GRM5: variants seen among roughly 807,000 people sequenced by gnomAD.
The protein encoded by GRM5 is metabotropic glutamate receptor 5.
A neutral mutation model predicts 83.1 loss-of-function variants in GRM5; 19 were observed. That is an observed-to-expected ratio of 0.23 (90% CI 0.16 to 0.34). GRM5 has a LOEUF of 0.34. Ranked by LOEUF, GRM5 falls within the 10% of genes least tolerant of loss-of-function variation. The pLI is 1.00. For synonymous variants in GRM5, 675 were observed against 633.6 expected, an observed-to-expected ratio of 1.07 and a Z score of -0.98; for missense variants, 1,160 against 1,588.3, an observed-to-expected ratio of 0.73 and a Z score of 4.58.
chr11:88,611,217 A>G (rs185743399), intron 4 of GRM5, among the ~76,000 whole-genome samples: 33 of 152,240 alleles, frequency 2.2e-4, no homozygotes, highest in African/African-American at 5.5e-4. Flanking sequence ...TATCAGGATG[A>G]TGCTGGCTTT....
Position 88,681,565 on chromosome 11 carries a change from C to CTTTTTTTTTTTTTTTT in GRM5, c.912-28178_912-28163dup, listed in dbSNP as rs796854617. Among the ~76,000 whole-genome samples the CTTTTTTTTTTTTTTTT allele has an allele frequency of 7.0e-3, 179 of 25,410 alleles. 49 individuals carry two copies. Among genetic ancestry groups the CTTTTTTTTTTTTTTTT allele is most frequent in the African/African-American group, 0.017 (150 of 8,948 alleles). The allele number at this position is 25,410 out of a possible 152,430, so 16.7% of individuals were successfully genotyped here. A position where few individuals can be genotyped will look rare whatever the true frequency, so the allele number is the denominator to read the frequency against. ...ATAAACTCAAGAGGTTGAGTTCTTC[C>CTTTTTTTTTTTTTTTT]TTTTTTTTTTTTTTTTTTTTTTTTG... On this transcript the variant is annotated intron_variant, in intron 3 of 9. Coordinates refer to ENST00000305447, the MANE Select transcript of GRM5 (RefSeq NM_001143831.3).
At chr11:89,033,762 T>TA (rs916559203) in intron 2 of GRM5, among the ~76,000 whole-genome samples, 12 of 151,596 alleles carry the variant, frequency 7.9e-5, no homozygotes, top group Non-Finnish European at 1.5e-5. Context: ...CAGTCTCCTT[T>TA]AAAAAAAGGT....
chr11:88,843,524 G>A (rs537915836), intron 3 of GRM5, among the ~76,000 whole-genome samples: 85 of 152,126 alleles, frequency 5.6e-4, no homozygotes, highest in Admixed American at 9.2e-4. Context: ...CTGTACTTCC[G>A]TCTCTCTCCC....
chr11:88,529,720 G>T (rs1310435201), intron 8 of GRM5, among the ~76,000 whole-genome samples: 1 of 151,864 alleles, frequency 6.6e-6, no homozygotes, highest in Admixed American at 6.6e-5. Context: ...GAGATGATAA[G>T]CTAATGCTTA....
chr11:88,898,241 A>G (rs1188229402), intron 2 of GRM5, among the ~76,000 whole-genome samples: 1 of 151,882 alleles, frequency 6.6e-6, no homozygotes, highest in African/African-American at 2.4e-5. Context: ...GTTATATTGA[A>G]TAAGGGCCCA....
intron 4 of GRM5, among the ~76,000 whole-genome samples, chr11:88,619,425 C>T (rs567237328): frequency 1.4e-4 from 21 of 152,304 alleles, no homozygotes; most frequent in Admixed American, 1.4e-3. Context: ...AACACTGGCT[C>T]CATATTCTCA....
intron 8 of GRM5, among the ~76,000 whole-genome samples, chr11:88,530,184 A>G (rs1941975466): frequency 6.6e-6 from 1 of 152,072 alleles, no homozygotes. Flanking sequence ...TGTTAGTGTA[A>G]GCATTCCCTT....
intron 4 of GRM5, among the ~76,000 whole-genome samples, chr11:88,643,007 A>G (rs769595894): frequency 3.9e-5 from 6 of 151,968 alleles, no homozygotes; most frequent in Non-Finnish European, 5.9e-5. Context: ...CTTTATAGCA[A>G]TGTCCCACTC....
chr11:88,660,103 A>T (rs1939866148), intron 3 of GRM5, among the ~76,000 whole-genome samples: 1 of 152,202 alleles, frequency 6.6e-6, no homozygotes, highest in South Asian at 2.1e-4. Context: ...TCAACAGTCC[A>T]TTAGGCATGA....
At chr11:88,762,143 C>T (rs1298418104) in intron 3 of GRM5, among the ~76,000 whole-genome samples, 2 of 152,012 alleles carry the variant, frequency 1.3e-5, no homozygotes, top group African/African-American at 4.8e-5. Context: ...GATTTTATGA[C>T]AAAGACACCA....
intron 3 of GRM5, among the ~76,000 whole-genome samples, chr11:88,770,527 A>AC (rs1942712993): frequency 6.6e-6 from 1 of 152,148 alleles, no homozygotes; most frequent in Non-Finnish European, 1.5e-5. Flanking sequence ...ATTCATAGAA[A>AC]ATCAATTGAA....
intron 3 of GRM5, among the ~76,000 whole-genome samples, chr11:88,752,005 T>C (rs771844013): frequency 6.6e-5 from 10 of 152,266 alleles, no homozygotes; most frequent in South Asian, 2.1e-4. Context: ...ATACTGAATG[T>C]GCAAAAGCTG....
intron 2 of GRM5, among the ~76,000 whole-genome samples, chr11:88,961,592 T>C (rs1450125373): frequency 6.6e-6 from 1 of 152,222 alleles, no homozygotes; most frequent in African/African-American, 2.4e-5. Context: ...TAATGAGAAG[T>C]ATGGGCAAGA....
chr11:88,553,269 G>C (rs10128616), intron 8 of GRM5, among the ~76,000 whole-genome samples: 6,972 of 152,156 alleles, frequency 0.046, 503 homozygotes, highest in African/African-American at 0.15. Flanking sequence ...CTGGCAGGCC[G>C]TAGCTCTGTG....
intron 2 of GRM5, among the ~76,000 whole-genome samples, chr11:88,970,497 A>C (rs531891897): frequency 6.6e-6 from 1 of 152,236 alleles, no homozygotes; most frequent in Non-Finnish European, 1.5e-5. Context: ...GTAGCTAAAA[A>C]GGAAGCTGAA....
At chr11:88,952,224 C>T (rs1369896125) in intron 2 of GRM5, among the ~76,000 whole-genome samples, 1 of 152,198 alleles carries the variant, frequency 6.6e-6, no homozygotes, top group African/African-American at 2.4e-5. Flanking sequence ...GATACCCAGT[C>T]TCTGCCACTT....
intron 8 of GRM5, among the ~76,000 whole-genome samples, chr11:88,537,253 T>C (rs894238514): frequency 7.1e-6 from 1 of 139,906 alleles, no homozygotes; most frequent in African/African-American, 2.6e-5. Context: ...GACTACATAA[T>C]GGTCAAGTGG....
intron 9 of GRM5, 26 bp downstream of exon 9, chr11:88,525,283 C>A: frequency 2.2e-6 from 3 of 1,335,130 alleles, no homozygotes; most frequent in Non-Finnish European, 3.2e-6. Context: ...TTTCACACCA[C>A]CTCAGGCCAC....
chr11:88,864,131 T>C (rs905588117), intron 2 of GRM5, among the ~76,000 whole-genome samples: 1 of 147,364 alleles, frequency 6.8e-6, no homozygotes, highest in Non-Finnish European at 1.5e-5. Flanking sequence ...AAACAGAGCA[T>C]AGGCAGGTTA....
Sources: gnomAD v4.1 joint callset for allele counts (sites outside exome capture counted in the v4.1 genomes callset) on GRCh38, gnomAD v4.1.1 for gene constraint, MANE v1.5 for transcripts, NCBI Gene and HGNC (gene_info 2026-07-23, HGNC 2026-07-21) for gene names.